Variants in PDZD2 observed in about 807,000 individuals in gnomAD.
The protein encoded by PDZD2 is PDZ domain containing 2, also known as PDZ domain-containing protein 2.
PDZD2 carries 90 observed loss-of-function variants against 220.7 expected under a neutral mutation model. That is an observed-to-expected ratio of 0.41 (90% CI 0.34 to 0.49). The LOEUF is 0.49. Among genes scored for constraint, PDZD2 ranks in the 20% least tolerant of loss-of-function variants. The probability of loss-of-function intolerance (pLI) is 0.28; values close to 1 mark genes in which losing one functional copy is unlikely to be tolerated. For missense variants in PDZD2, 3,174 were observed against 3,608.5 expected (o/e 0.88, Z 3.08); for synonymous variants, 1,375 against 1,450.5 (o/e 0.95, Z 1.18).
At chr5:31,970,494 A>G (rs1028585540) in intron 2 of PDZD2, among the ~76,000 whole-genome samples, 6 of 152,022 alleles carry the variant, frequency 3.9e-5, no homozygotes, top group African/African-American at 1.2e-4. Context: ...TGTCTCTACT[A>G]AAAATACAAA....
At chr5:31,676,811 C>T (rs1746446492) in intron 1 of PDZD2, among the ~76,000 whole-genome samples, 2 of 152,024 alleles carry the variant, frequency 1.3e-5, no homozygotes, top group African/African-American at 4.8e-5. Flanking sequence ...GCCTCGGCCT[C>T]CCAAAGTGCT....
chr5:31,990,391 T>C (rs191777851), intron 3 of PDZD2, among the ~76,000 whole-genome samples: 1 of 152,346 alleles, frequency 6.6e-6, no homozygotes, highest in East Asian at 1.9e-4. Flanking sequence ...CAGAAGTCCA[T>C]AGCATCCAGT....
intron 2 of PDZD2, among the ~76,000 whole-genome samples, chr5:31,814,912 A>G (rs779388227): frequency 2.0e-5 from 3 of 152,082 alleles, no homozygotes; most frequent in Non-Finnish European, 2.9e-5. Flanking sequence ...AGTTCTTCCT[A>G]TGTAGAAGAA....
In PDZD2 at chr5:31,791,139, C is replaced by G. The variant is rs533789990; in HGVS notation, c.-360-7750C>G. Among the ~76,000 whole-genome samples the G allele has an allele frequency of 1.5e-3, 234 of 152,204 alleles. 1 individual carries two copies. The highest frequency in any genetic ancestry group is 5.5e-3 in the African/African-American group (229 of 41,532). On this transcript the variant is annotated intron_variant, in intron 1 of 24. Transcript: ENST00000438447. ...CACCACTTATCTGCTTCTGATAAAGCTGATTTTTGTAACCCTGCAAGGGTC... is the reference window on the plus strand; with the variant it reads ...CACCACTTATCTGCTTCTGATAAAGGTGATTTTTGTAACCCTGCAAGGGTC...
At chr5:32,020,042 T>C (rs891315113) in intron 6 of PDZD2, among the ~76,000 whole-genome samples, 17 of 150,050 alleles carry the variant, frequency 1.1e-4, no homozygotes, top group Admixed American at 6.7e-4. Flanking sequence ...TATATATATA[T>C]ACACACATAT....
chr5:31,685,675 C>A (rs1002840791), intron 1 of PDZD2, among the ~76,000 whole-genome samples: 10 of 152,086 alleles, frequency 6.6e-5, no homozygotes, highest in Non-Finnish European at 1.5e-4. Flanking sequence ...AGATGTGCAC[C>A]ACCATGCCTG....
At chr5:31,911,147 A>G (rs1743167704) in intron 2 of PDZD2, among the ~76,000 whole-genome samples, 1 of 152,192 alleles carries the variant, frequency 6.6e-6, no homozygotes, top group African/African-American at 2.4e-5. Context: ...ATATTTTGAC[A>G]TGTATGGTAT....
chr5:31,749,027 A>G (rs1278282378), intron 1 of PDZD2, among the ~76,000 whole-genome samples: 1 of 152,172 alleles, frequency 6.6e-6, no homozygotes, highest in Non-Finnish European at 1.5e-5. Flanking sequence ...AGCACTCACT[A>G]AAATTAGGAG....
At chr5:31,866,126 C>A (rs1738208972) in intron 2 of PDZD2, among the ~76,000 whole-genome samples, 1 of 151,974 alleles carries the variant, frequency 6.6e-6, no homozygotes, top group Non-Finnish European at 1.5e-5. Flanking sequence ...CTCAGCCTCA[C>A]GAGCTGGGAC....
chr5:31,852,017 T>C (rs898418514), intron 2 of PDZD2, among the ~76,000 whole-genome samples: 3 of 151,788 alleles, frequency 2.0e-5, no homozygotes, highest in African/African-American at 7.3e-5. Flanking sequence ...CCACCACACC[T>C]GGCTAATTTT....
At chr5:31,737,871 A>C (rs1047954297) in intron 1 of PDZD2, among the ~76,000 whole-genome samples, 9 of 152,170 alleles carry the variant, frequency 5.9e-5, no homozygotes, top group African/African-American at 1.9e-4. Context: ...GCTTATGTGG[A>C]TTATTTCATT....
intron 5 of PDZD2, among the ~76,000 whole-genome samples, chr5:32,003,410 C>T (rs1425199850): frequency 9.9e-6 from 1 of 100,886 alleles, no homozygotes; most frequent in African/African-American, 3.2e-5. Context: ...ACACACTCCT[C>T]CACACACACA....
chr5:31,811,551 A>AG (rs1279316041), intron 2 of PDZD2, among the ~76,000 whole-genome samples: 2 of 152,212 alleles, frequency 1.3e-5, no homozygotes, highest in African/African-American at 4.8e-5. Context: ...CCCAGCCCTT[A>AG]GGCTGGACTA....
At position 31,947,189 on chromosome 5, in the gene PDZD2, G is replaced by T. The variant is rs1050080609; in HGVS notation, c.477-35966G>T. ...AGGTACATTGGATCTACAAAGACCA[G>T]AGTCTACAAAGACCAGGTTCTATGT... On this transcript the variant is annotated intron_variant, in intron 2 of 24. Transcript: ENST00000438447. Among the ~76,000 whole-genome samples the T allele has an allele frequency of 3.3e-5, 5 of 152,342 alleles. No individual in the cohort carries two copies. The South Asian group carries it at 1.0e-3, about 32-fold the overall frequency.
At chr5:32,003,649 C>G (rs1032258605) in intron 5 of PDZD2, among the ~76,000 whole-genome samples, 2 of 152,184 alleles carry the variant, frequency 1.3e-5, no homozygotes, top group African/African-American at 4.8e-5. Context: ...CCATGTACTG[C>G]TAAACCTGCA....
intron 2 of PDZD2, among the ~76,000 whole-genome samples, chr5:31,972,079 C>T (rs987781762): frequency 4.6e-5 from 7 of 152,168 alleles, no homozygotes; most frequent in African/African-American, 9.7e-5. Flanking sequence ...AAAATTTCAA[C>T]CTGACTTCCA....
At chr5:31,941,582 G>A (rs1039406846) in intron 2 of PDZD2, among the ~76,000 whole-genome samples, 9 of 152,200 alleles carry the variant, frequency 5.9e-5, no homozygotes, top group South Asian at 4.1e-4. Flanking sequence ...CCTCAAGTGA[G>A]TCAAGGAATG....
At chr5:31,886,093 T>A (rs1459689889) in intron 2 of PDZD2, among the ~76,000 whole-genome samples, 1 of 152,156 alleles carries the variant, frequency 6.6e-6, no homozygotes, top group Non-Finnish European at 1.5e-5. Flanking sequence ...GAGACAGGGT[T>A]TCACCATGTT....
In PDZD2 at chr5:31,721,724, AT is replaced by A. The variant is rs570900417; in HGVS notation, c.-360-77164del. On this transcript the variant is annotated intron_variant, in intron 1 of 24. Transcript: ENST00000438447. ...TCCCTATCTTAGATTCTTAAAAAAA[AT>A]GAGGCTTAGCTGTCTCAAAAAAAAA... is the stretch of plus-strand genomic sequence containing the variant. 2.9e-4 allele frequency among the ~76,000 whole-genome samples: 39 copies of A among 136,756 alleles called. No individual in the cohort carries two copies. The East Asian group carries it at 9.1e-3, about 32-fold the overall frequency. The allele number at this position is 136,756 out of a possible 152,430, so 89.7% of individuals were successfully genotyped here.
Sources: gnomAD v4.1 joint callset for allele counts (sites outside exome capture counted in the v4.1 genomes callset) on GRCh38, gnomAD v4.1.1 for gene constraint, MANE v1.5 for transcripts, NCBI Gene and HGNC (gene_info 2026-07-23, HGNC 2026-07-21) for gene names.